The following UBE4B variants were observed in gnomAD, a reference collection of about 807,000 sequenced individuals.
The protein encoded by UBE4B is ubiquitin conjugation factor E4 B.
In UBE4B, 27 loss-of-function variants were observed where a neutral mutation model predicts 148.1. The observed-to-expected ratio is 0.18, with a 90% CI of 0.13 to 0.25. The LOEUF is 0.25. UBE4B is among the 10% of genes least tolerant of loss of function. The pLI is 1.00. For synonymous variants in UBE4B, 596 were observed against 619.3 expected (o/e 0.96, Z 0.56); for missense variants, 1,170 against 1,662.4 (o/e 0.70, Z 5.15).
At chr1:10,080,864 C>T (rs1451440224) in intron 2 of UBE4B, among the ~76,000 whole-genome samples, 1 of 152,062 alleles carries the variant, frequency 6.6e-6, no homozygotes, top group East Asian at 1.9e-4. Flanking sequence ...AAAAGTTGAA[C>T]TCATACAAAT....
At chr1:10,090,443 CTCTGTT>C (rs971391782) in intron 2 of UBE4B, among the ~76,000 whole-genome samples, 2 of 152,160 alleles carry the variant, frequency 1.3e-5, no homozygotes, top group Admixed American at 6.6e-5. Context: ...TTACTCTTTG[CTCTGTT>C]TCTAACAGGC....
At chr1:10,171,024 G>A (rs984502738) in intron 24 of UBE4B, 114 bp from the exon 25 acceptor site, 2 of 1,109,754 alleles carry the variant, frequency 1.8e-6, no homozygotes, top group Non-Finnish European at 2.6e-6. Flanking sequence ...CACCTGTAAG[G>A]ATTCTTTGAA....
chr1:10,070,764 G>C (rs188395908), intron 1 of UBE4B, among the ~76,000 whole-genome samples: 55 of 152,030 alleles, frequency 3.6e-4, no homozygotes, highest in African/African-American at 1.2e-3. Context: ...TTAATTATAT[G>C]TTAAAAGGAA....
intron 1 of UBE4B, among the ~76,000 whole-genome samples, chr1:10,063,864 T>C (rs1644334516): frequency 6.6e-6 from 1 of 150,472 alleles, no homozygotes; most frequent in African/African-American, 2.5e-5. Context: ...GCCGAGACCA[T>C]GCCATTGCAC....
intron 10 of UBE4B, among the ~76,000 whole-genome samples, chr1:10,124,048 T>TA (rs1645452593): frequency 6.6e-6 from 1 of 152,188 alleles, no homozygotes; most frequent in African/African-American, 2.4e-5. Flanking sequence ...GTGCTGGGAT[T>TA]ACAGGCATGA....
At chr1:10,163,024 T>C (rs1646190650) in intron 23 of UBE4B, among the ~76,000 whole-genome samples, 1 of 152,194 alleles carries the variant, frequency 6.6e-6, no homozygotes, top group African/African-American at 2.4e-5. Context: ...GTGCTTGGTA[T>C]GCCCAGCTTA....
intron 10 of UBE4B, among the ~76,000 whole-genome samples, chr1:10,122,284 A>G (rs1557573536): frequency 2.0e-5 from 3 of 152,188 alleles, no homozygotes; most frequent in Admixed American, 2.0e-4. Flanking sequence ...TCAAACATCT[A>G]TCTTCTAAAC....
chr1:10,142,307 T>C (rs561067903), intron 17 of UBE4B, among the ~76,000 whole-genome samples: 1 of 152,326 alleles, frequency 6.6e-6, no homozygotes, highest in South Asian at 2.1e-4. Context: ...CTTAGTTTCC[T>C]ATGACTGCAA....
At chr1:10,129,482 A>C in intron 12 of UBE4B, 34 bp downstream of exon 12, 1 of 1,598,526 alleles carries the variant, frequency 6.3e-7, no homozygotes, top group South Asian at 1.1e-5. Context: ...GCACATTTTC[A>C]GTGAATATAT....
At chr1:10,128,050 AT>A in intron 11 of UBE4B, among the ~76,000 whole-genome samples, 1 of 152,218 alleles carries the variant, frequency 6.6e-6, no homozygotes, top group East Asian at 1.9e-4. Flanking sequence ...TGGTAAAATT[AT>A]TTGAATCCTT....
intron 21 of UBE4B, among the ~76,000 whole-genome samples, chr1:10,151,787 A>G (rs1645979512): frequency 6.6e-6 from 1 of 152,156 alleles, no homozygotes; most frequent in Non-Finnish European, 1.5e-5. Flanking sequence ...TTCAGCAGGA[A>G]CTACTGAAAG....
chr1:10,168,102 G>A lies in UBE4B; in HGVS notation c.3199-34G>A, dbSNP rs376660032. ...CTTTGCTGAGCTGATGACCAGGACCGAGCCTTACTCAGCGTCTGTTCGATG... is the reference window on the plus strand; with the variant it reads ...CTTTGCTGAGCTGATGACCAGGACCAAGCCTTACTCAGCGTCTGTTCGATG... On this transcript the variant is annotated intron_variant, in intron 23 of 27. Transcript: ENST00000343090. This position sits in a 1 kb window ranked among gnomAD's most constrained non-coding sequence, Gnocchi z 4.9. 117 of 1,598,552 alleles carry A rather than the reference G, an allele frequency of 7.3e-5. No individual in the cohort carries two copies. Among genetic ancestry groups the A allele is most frequent in the East Asian group, 2.0e-4 (9 of 44,340 alleles).
chr1:10,152,579 C>A (rs907477504), intron 21 of UBE4B, among the ~76,000 whole-genome samples: 2 of 151,740 alleles, frequency 1.3e-5, no homozygotes, highest in Non-Finnish European at 2.9e-5. Flanking sequence ...GGGTGGATCA[C>A]CTGAGATCAG....
chr1:10,105,475 G>A (rs1162892461), intron 5 of UBE4B, 41 bp from the exon 6 acceptor site: 22 of 1,590,784 alleles, frequency 1.4e-5, no homozygotes, highest in South Asian at 2.2e-5. Context: ...ACCTGTGTTC[G>A]AACTGTGTGT....
In UBE4B at chr1:10,072,080, C is replaced by T; in HGVS notation, c.77C>T (p.Thr26Ile). The T allele has an allele frequency of 1.9e-6, 3 of 1,612,734 alleles. No homozygotes were observed. The highest frequency in any genetic ancestry group is 2.5e-6 in the Non-Finnish European group (3 of 1,179,510). The change falls in exon 2 of 28, where the codon ACC becomes ATC. Residue 26 changes from threonine to isoleucine, a missense_variant. By Grantham distance (89) the Thr-to-Ile change is moderately conservative. This residue lies in a region of UBE4B where 127 missense variants were observed against 153.2 expected (regional missense o/e 0.83). Coordinates refer to ENST00000343090, the MANE Select transcript of UBE4B (RefSeq NM_001105562.3). ...RLAGGQTSQP[T>I]TPLTSPQREN... ...GCTGGTGGACAGACCTCTCAGCCAA[C>T]CACCCCACTCACCTCTCCCCAGAGG...
intron 7 of UBE4B, 61 bp from the exon 8 acceptor site, chr1:10,117,398 C>A: frequency 6.2e-7 from 1 of 1,602,312 alleles, no homozygotes; most frequent in Non-Finnish European, 8.5e-7. Context: ...TGCAGAAATG[C>A]AAACTCTGCC....
intron 1 of UBE4B, among the ~76,000 whole-genome samples, chr1:10,066,262 C>A (rs906915131): frequency 6.6e-6 from 1 of 151,808 alleles, no homozygotes; most frequent in South Asian, 2.1e-4. Flanking sequence ...CACTACACAT[C>A]GTGTGTGCCA....
chr1:10,039,820 T>C (rs184642616), intron 1 of UBE4B, among the ~76,000 whole-genome samples: 1 of 152,108 alleles, frequency 6.6e-6, no homozygotes, highest in Admixed American at 6.6e-5. Flanking sequence ...TAAAGGGTAG[T>C]TTGGGAGAAG....
Position 10,033,583 on chromosome 1 carries a change from TAG to T in UBE4B, c.-86_-85del, listed in dbSNP as rs1643383679. On this transcript the variant is annotated 5_prime_UTR_variant, in exon 1 of 28. Transcript: ENST00000343090. The stretch of plus-strand genomic sequence containing the variant: ...CCATTCGGGGGACCAGACAGCCTGA[TAG>T]ACACCTTCCACTCTCCTTCCTCCCG... 3 of 1,415,114 alleles carry T rather than the reference TAG, an allele frequency of 2.1e-6. No homozygotes were observed. The highest frequency in any genetic ancestry group is 1.9e-6 in the Non-Finnish European group (2 of 1,070,190). 87.7% of individuals were successfully genotyped at this position (1,415,114 alleles called of 1,614,324 possible).
Sources: allele counts gnomAD v4.1 joint callset (sites outside exome capture counted in the v4.1 genomes callset), GRCh38; gene constraint gnomAD v4.1.1; regional missense constraint gnomAD v4.1.1; non-coding constraint Gnocchi (gnomAD v3.1); transcripts MANE v1.5; gene names NCBI Gene and HGNC (gene_info 2026-07-23, HGNC 2026-07-21).